Variants in ALK observed in about 807,000 individuals in gnomAD.
ALK encodes the protein ALK receptor tyrosine kinase.
ALK carries 74 observed loss-of-function variants against 163.1 expected under a neutral mutation model. That is an observed-to-expected ratio of 0.45 (90% confidence interval 0.38 to 0.55). The LOEUF is 0.55. ALK is among the 20% of genes least tolerant of loss of function. ALK has a pLI of 0.00. For missense variants in ALK, 2,063 were observed against 2,105.3 expected (o/e 0.98, Z 0.39); for synonymous variants, 960 against 843.2 (o/e 1.14, Z -2.40).
intron 9 of ALK, among the ~76,000 whole-genome samples, chr2:29,284,881 G>A (rs992608203): frequency 2.0e-5 from 3 of 152,156 alleles, no homozygotes; most frequent in Admixed American, 6.5e-5. Context: ...CTTCTTGAAC[G>A]GCTGAAGCTG....
At chr2:29,687,492 C>G (rs1678272577) in intron 3 of ALK, among the ~76,000 whole-genome samples, 1 of 151,454 alleles carries the variant, frequency 6.6e-6, no homozygotes, top group African/African-American at 2.4e-5. Flanking sequence ...TAAGATAACT[C>G]AATAGAATAG....
chr2:29,208,610 G>A lies in ALK; in HGVS notation c.3836+1176C>T, dbSNP rs994824838. On this transcript the variant is annotated intron_variant, in intron 25 of 28. Coordinates refer to ENST00000389048, the MANE Select transcript of ALK (RefSeq NM_004304.5). The stretch of plus-strand genomic sequence containing the variant: ...TACATCTTCCACATGCTGCTGCCCC[G>A]TGGTAACATGATGGCCTCAGCATGC... Among the ~76,000 whole-genome samples, 17 of 152,296 alleles carry A rather than the reference G, an allele frequency of 1.1e-4. No homozygotes were observed. The East Asian group carries it at 1.2e-3, about 10-fold the overall frequency.
intron 1 of ALK, among the ~76,000 whole-genome samples, chr2:29,872,565 T>A (rs1276147370): frequency 6.6e-6 from 1 of 152,218 alleles, no homozygotes; most frequent in Non-Finnish European, 1.5e-5. Context: ...TTTATCCTCA[T>A]GGTTGTGTGG....
intron 5 of ALK, among the ~76,000 whole-genome samples, chr2:29,358,781 T>C (rs1477499334): frequency 6.6e-6 from 1 of 152,226 alleles, no homozygotes; most frequent in Non-Finnish European, 1.5e-5. Flanking sequence ...CTCACTTCTC[T>C]GCTTCCACAG....
chr2:29,489,338 CT>C (rs1436138844), intron 4 of ALK, among the ~76,000 whole-genome samples: 1 of 152,196 alleles, frequency 6.6e-6, no homozygotes, highest in African/African-American at 2.4e-5. Context: ...CAAAGTCTTG[CT>C]CTGTTGCCCA....
At chr2:29,876,386 G>C (rs570888702) in intron 1 of ALK, among the ~76,000 whole-genome samples, 1 of 151,908 alleles carries the variant, frequency 6.6e-6, no homozygotes, top group African/African-American at 2.4e-5. Context: ...TAGTGATAAT[G>C]ATGATGGTGA....
intron 9 of ALK, among the ~76,000 whole-genome samples, chr2:29,278,212 G>T (rs115649610): frequency 3.1e-4 from 47 of 152,292 alleles, no homozygotes; most frequent in Non-Finnish European, 6.2e-4. Context: ...TGGTGTGAGG[G>T]CCATGTGGGC....
At chr2:29,538,123 A>C (rs766880873) in intron 3 of ALK, among the ~76,000 whole-genome samples, 4 of 152,184 alleles carry the variant, frequency 2.6e-5, no homozygotes, top group Non-Finnish European at 5.9e-5. Flanking sequence ...TATTGGAATG[A>C]GTTAATACTT....
intron 24 of ALK, among the ~76,000 whole-genome samples, chr2:29,210,491 G>C (rs547061035): frequency 1.3e-5 from 2 of 152,280 alleles, no homozygotes; most frequent in South Asian, 4.1e-4. Context: ...GGAGTGCAGT[G>C]GTGCGATCTT....
At chr2:29,585,201 T>C (rs1055654107) in intron 3 of ALK, among the ~76,000 whole-genome samples, 7 of 152,248 alleles carry the variant, frequency 4.6e-5, no homozygotes, top group Non-Finnish European at 7.3e-5. Context: ...AAAATATAAA[T>C]GTATAATTAA....
chr2:29,423,082 A>AT lies in ALK; in HGVS notation c.1155-39224dup, dbSNP rs1023239082. On this transcript the variant is annotated intron_variant, in intron 4 of 28. Transcript: ENST00000389048. ...CCTGCCAGAAGAAGGAGAAAGAATT[A>AT]TTTTTTTCTCTCTTAGCAGAAAGAA... is the stretch of plus-strand genomic sequence containing the variant. 6.6e-5 allele frequency among the ~76,000 whole-genome samples: 10 copies of AT among 152,286 alleles called. No homozygotes were observed. The South Asian group carries it at 8.3e-4, about 13-fold the overall frequency.
intron 3 of ALK, among the ~76,000 whole-genome samples, chr2:29,546,046 ATACGTG>A (rs1673544055): frequency 6.6e-6 from 1 of 152,212 alleles, no homozygotes; most frequent in South Asian, 2.1e-4. Context: ...GTGTGCGTAT[ATACGTG>A]TACATCAATA....
At chr2:29,319,205 T>C (rs1431269893) in intron 7 of ALK, 1 of 152,308 alleles carries the variant, frequency 6.6e-6, no homozygotes, top group Non-Finnish European at 1.5e-5. Context: ...CTGCAAACTT[T>C]CAGGGTCTGC....
intron 8 of ALK, among the ~76,000 whole-genome samples, chr2:29,309,850 C>T (rs1202413743): frequency 2.0e-5 from 3 of 152,092 alleles, no homozygotes; most frequent in African/African-American, 4.8e-5. Flanking sequence ...CCGACCTGCC[C>T]ACGTGTTGCT....
At chr2:29,233,732 A>G (rs925838281) in intron 13 of ALK, 36 bp from the exon 14 acceptor site, 18 of 1,613,928 alleles carry the variant, frequency 1.1e-5, no homozygotes, top group Non-Finnish European at 1.4e-5. Context: ...TTTGTGGCCA[A>G]ACCAGAGTTC....
At chr2:29,413,707 A>G (rs1172179442) in intron 4 of ALK, among the ~76,000 whole-genome samples, 1 of 151,940 alleles carries the variant, frequency 6.6e-6, no homozygotes, top group African/African-American at 2.4e-5. Flanking sequence ...AATTTTTTAT[A>G]TATTTAGTAG....
intron 4 of ALK, among the ~76,000 whole-genome samples, chr2:29,501,260 T>C (rs1373549788): frequency 6.6e-6 from 1 of 152,194 alleles, no homozygotes; most frequent in Non-Finnish European, 1.5e-5. Flanking sequence ...CTACTGAATG[T>C]CAATGTCTTA....
chr2:29,821,357 C>G (rs552209356), intron 1 of ALK, among the ~76,000 whole-genome samples: 2 of 152,188 alleles, frequency 1.3e-5, no homozygotes, highest in South Asian at 4.2e-4. Flanking sequence ...TGAACCCACA[C>G]TCATCTCCCC....
chr2:29,414,340 T>C (rs547566325), intron 4 of ALK, among the ~76,000 whole-genome samples: 1 of 152,354 alleles, frequency 6.6e-6, no homozygotes, highest in Non-Finnish European at 1.5e-5. Flanking sequence ...ACCACTTAGC[T>C]AAACTCTTTC....
Sources: gnomAD v4.1 joint callset for allele counts (sites outside exome capture counted in the v4.1 genomes callset) on GRCh38, gnomAD v4.1.1 for gene constraint, MANE v1.5 for transcripts, NCBI Gene and HGNC (gene_info 2026-07-23, HGNC 2026-07-21) for gene names.